The following ADGRF5 variants were observed in gnomAD, a reference collection of about 807,000 sequenced individuals.
ADGRF5 encodes adhesion G protein-coupled receptor F5.
A neutral mutation model predicts 132.3 loss-of-function variants in ADGRF5; 75 were observed. That is an observed-to-expected ratio of 0.57 (90% CI 0.47 to 0.69). The LOEUF (loss-of-function observed/expected upper bound fraction) is 0.69, where lower values mean the gene tolerates loss of function less well. ADGRF5 is among the 30% of genes least tolerant of loss of function. The pLI is 0.00. For synonymous variants in ADGRF5, 629 were observed against 597.6 expected (o/e 1.05, Z -0.77); for missense variants, 1,516 against 1,630.6 (o/e 0.93, Z 1.21).
In ADGRF5 at chr6:46,853,852, C is replaced by A; in HGVS notation, c.*140G>T. 2 of 623,662 alleles carry A rather than the reference C, an allele frequency of 3.2e-6. No homozygotes were observed. The highest frequency in any genetic ancestry group is 3.1e-5 in the Admixed American group (1 of 31,958). 38.6% of individuals were successfully genotyped at this position (623,662 alleles called of 1,614,324 possible). A position where few individuals can be genotyped will look rare whatever the true frequency, so the allele number is the denominator to read the frequency against. On this transcript the variant is annotated 3_prime_UTR_variant, in exon 21 of 21. Transcript: ENST00000283296. ...ATTCTGTCTTTACAAAAGAAAGCCT[C>A]TTCTCTATGAAAAAGTCTTTTTGGC...
chr6:46,868,211 T>G (rs1770662346), intron 12 of ADGRF5, among the ~76,000 whole-genome samples: 1 of 152,254 alleles, frequency 6.6e-6, no homozygotes, highest in South Asian at 2.1e-4. Flanking sequence ...ATCCTGGCTC[T>G]GCCACTTGCC....
chr6:46,882,153 T>G, intron 6 of ADGRF5, 46 bp from the exon 7 acceptor site: 1 of 1,264,018 alleles, frequency 7.9e-7, no homozygotes, highest in Non-Finnish European at 1.2e-6. Context: ...AGTCGAGAAA[T>G]AGGTGTATCA....
At chr6:46,881,387 A>G in intron 8 of ADGRF5, 68 bp downstream of exon 8, 2 of 1,384,536 alleles carry the variant, frequency 1.4e-6, no homozygotes, top group East Asian at 2.3e-5. Flanking sequence ...ACATTGTAGC[A>G]TAAACTAATT....
chr6:46,913,031 T>C (rs1279706382), intron 1 of ADGRF5, among the ~76,000 whole-genome samples: 1 of 152,202 alleles, frequency 6.6e-6, no homozygotes, highest in African/African-American at 2.4e-5. Context: ...TCATACTTTT[T>C]CTAATAAATT....
chr6:46,930,478 G>C (rs1022044998), intron 1 of ADGRF5, among the ~76,000 whole-genome samples: 1 of 151,954 alleles, frequency 6.6e-6, no homozygotes, highest in African/African-American at 2.4e-5. Context: ...GATTTAACAC[G>C]GATGACAGTA....
intron 1 of ADGRF5, among the ~76,000 whole-genome samples, chr6:46,949,486 A>G (rs200720853): frequency 8.3e-4 from 127 of 152,326 alleles, no homozygotes; most frequent in African/African-American, 2.9e-3. Context: ...GTAGCAGAAA[A>G]GGAAAGATGG....
At chr6:46,953,409 G>A (rs1464380066) in intron 1 of ADGRF5, among the ~76,000 whole-genome samples, 1 of 151,870 alleles carries the variant, frequency 6.6e-6, no homozygotes, top group Non-Finnish European at 1.5e-5. Flanking sequence ...ATCACCTGAG[G>A]TCAGGAGTTC....
At chr6:46,917,413 T>C (rs1307998850) in intron 1 of ADGRF5, among the ~76,000 whole-genome samples, 1 of 152,228 alleles carries the variant, frequency 6.6e-6, no homozygotes, top group Non-Finnish European at 1.5e-5. Context: ...ATATGGACTC[T>C]GAAGTCAGAC....
intron 1 of ADGRF5, among the ~76,000 whole-genome samples, chr6:46,940,135 T>G (rs1203140361): frequency 6.6e-6 from 1 of 152,330 alleles, no homozygotes. Flanking sequence ...TTACTTTTCC[T>G]ATATGTGAGA....
In ADGRF5 at chr6:46,858,903, G is replaced by A. The variant is rs554984628; in HGVS notation, c.3000C>T (p.Asp1000=). 67 of 1,614,058 alleles carry A rather than the reference G, an allele frequency of 4.2e-5. No individual in the cohort carries two copies. In the South Asian group the frequency reaches 5.9e-4, roughly 14 times the overall value. The part of the protein sequence containing the change: ...LTSFSILMSP[D]SPDPSSLLGI... ...CCAGGAGAGAACTAGGATCTGGGGA[G>A]TCAGGGGACATGAGGATGGAGAATG... The change falls in exon 17 of 21, where the codon GAC becomes GAT. Residue 1000 remains aspartate (D), a synonymous_variant. Coordinates refer to ENST00000283296, the MANE Select transcript of ADGRF5 (RefSeq NM_001098518.2).
intron 10 of ADGRF5, among the ~76,000 whole-genome samples, chr6:46,877,280 T>C (rs1581804322): frequency 2.2e-5 from 1 of 44,748 alleles, no homozygotes; most frequent in East Asian, 4.7e-4. Context: ...TCTTTCTTTC[T>C]TTCTTTCTTT....
In ADGRF5 at chr6:46,852,804, A is replaced by G. The variant is rs1284578221; in HGVS notation, c.*1188T>C. ...GGAATAAACACAATTTAGACCATGC[A>G]AAACTCTTAATGTATATTGGTCTGG... is the stretch of plus-strand genomic sequence containing the variant. On this transcript the variant is annotated 3_prime_UTR_variant, in exon 21 of 21. Coordinates refer to ENST00000283296, the MANE Select transcript of ADGRF5 (RefSeq NM_001098518.2). The G allele has an allele frequency of 6.6e-6, 1 of 152,086 alleles. No homozygotes were observed. Among genetic ancestry groups the G allele is most frequent in the Admixed American group, 6.5e-5 (1 of 15,272 alleles). 9.4% of individuals were successfully genotyped at this position (152,086 alleles called of 1,614,324 possible). A position where few individuals can be genotyped will look rare whatever the true frequency, so the allele number is the denominator to read the frequency against.
At chr6:46,922,854 G>A (rs1777049935), upstream of ADGRF5, among the ~76,000 whole-genome samples, 1 of 152,252 alleles carries the variant, frequency 6.6e-6, no homozygotes, top group Non-Finnish European at 1.5e-5. Context: ...TCTGGAGTCA[G>A]ACTGTAGGAA....
At chr6:46,944,485 C>T (rs1210743330) in intron 1 of ADGRF5, among the ~76,000 whole-genome samples, 2 of 152,098 alleles carry the variant, frequency 1.3e-5, no homozygotes, top group African/African-American at 4.8e-5. Flanking sequence ...GCTCCCTGTC[C>T]TGCTCCTACC....
Position 46,888,395 on chromosome 6 carries a change from G to A in ADGRF5, c.268C>T (p.Pro90Ser), listed in dbSNP as rs750917822. ...IKAYLNSLSF[P>S]IHGNNTDQIT... is the part of the protein sequence containing the mutation. Reference sequence around the variant, plus strand: ...TGGTCAGTGTTATTCCCATGAATTGGAAAACTGAGGCTGTTCAAGTAGGCT... The same window carrying A: ...TGGTCAGTGTTATTCCCATGAATTGAAAAACTGAGGCTGTTCAAGTAGGCT... Residue 90 changes from proline to serine, a missense_variant, in exon 4 of 21, where the codon CCA (proline) becomes TCA (serine). Pro to Ser is a moderately conservative substitution (Grantham distance 74). Around this residue, in one of 2 missense-constraint regions of ADGRF5, gnomAD observed 945 missense variants for 929.4 expected, o/e 1.02. Coordinates refer to ENST00000283296, the MANE Select transcript of ADGRF5 (RefSeq NM_001098518.2). 1.7e-5 allele frequency: 27 copies of A among 1,612,050 alleles called. No individual in the cohort carries two copies. Among genetic ancestry groups the A allele is most frequent in the Non-Finnish European group, 2.1e-5 (25 of 1,178,270 alleles).
At chr6:46,891,091 G>T (rs1030920331) in intron 3 of ADGRF5, among the ~76,000 whole-genome samples, 7 of 152,182 alleles carry the variant, frequency 4.6e-5, no homozygotes, top group African/African-American at 1.7e-4. Context: ...TATAAAAAAG[G>T]TCTGTCGCAT....
chr6:46,864,564 G>A (rs188475528), intron 14 of ADGRF5, among the ~76,000 whole-genome samples: 109 of 144,304 alleles, frequency 7.6e-4, no homozygotes, highest in Middle Eastern at 3.7e-3. Context: ...TCTCTCTGTC[G>A]CCCAGCCTGG....
At chr6:46,922,598 G>A (rs530740056), upstream of ADGRF5, among the ~76,000 whole-genome samples, 4 of 152,298 alleles carry the variant, frequency 2.6e-5, no homozygotes, top group African/African-American at 9.6e-5. Context: ...TTTTTGAACT[G>A]GAAGTGACCT....
intron 11 of ADGRF5, among the ~76,000 whole-genome samples, chr6:46,870,595 C>T (rs1770942057): frequency 6.6e-6 from 1 of 152,200 alleles, no homozygotes; most frequent in Admixed American, 6.5e-5. Context: ...TTGCCCTCCC[C>T]ATCCATAGGC....
Sources: allele counts gnomAD v4.1 joint callset (sites outside exome capture counted in the v4.1 genomes callset), GRCh38; gene constraint gnomAD v4.1.1; regional missense constraint gnomAD v4.1.1; transcripts MANE v1.5; gene names NCBI Gene and HGNC (gene_info 2026-07-23, HGNC 2026-07-21).